ADAM17: variants seen among roughly 807,000 people sequenced by gnomAD.
ADAM17 encodes ADAM metallopeptidase domain 17, also known as disintegrin and metalloproteinase domain-containing protein 17.
A neutral mutation model predicts 96.7 loss-of-function variants in ADAM17; 39 were observed. That is an observed-to-expected ratio of 0.40 (90% CI 0.31 to 0.53). ADAM17 has a LOEUF of 0.53. ADAM17 is among the 20% of genes least tolerant of loss of function. The probability of loss-of-function intolerance (pLI) is 0.44; values close to 1 mark genes in which losing one functional copy is unlikely to be tolerated. For synonymous variants in ADAM17, 344 were observed against 359.2 expected (o/e 0.96, Z 0.48); for missense variants, 777 against 1,013.2 (o/e 0.77, Z 3.17).
chr2:9,535,972 A>C (rs777445621), intron 3 of ADAM17, 50 bp from the exon 4 acceptor site: 4 of 1,267,528 alleles, frequency 3.2e-6, no homozygotes, highest in Middle Eastern at 2.8e-4. Context: ...ATCAAATAAG[A>C]AACTATGCAT....
chr2:9,555,448 T>C, intron 1 of ADAM17, 61 bp downstream of exon 1: 3 of 1,427,142 alleles, frequency 2.1e-6, no homozygotes, highest in Non-Finnish European at 2.8e-6. Context: ...CCAGCTCCCC[T>C]GCTCTTCCCT....
chr2:9,541,402 A>G (rs963798499), intron 2 of ADAM17, among the ~76,000 whole-genome samples: 6 of 152,094 alleles, frequency 3.9e-5, no homozygotes, highest in Admixed American at 3.9e-4. Context: ...ATCTCTACTA[A>G]AAATACAAAA....
intron 17 of ADAM17, among the ~76,000 whole-genome samples, chr2:9,492,418 A>G (rs2124957886): frequency 6.6e-6 from 1 of 152,348 alleles, no homozygotes; most frequent in South Asian, 2.1e-4. Context: ...TTTGGGGAAG[A>G]TGTAAATACT....
At chr2:9,550,543 T>G (rs567965671) in intron 1 of ADAM17, among the ~76,000 whole-genome samples, 15 of 149,020 alleles carry the variant, frequency 1.0e-4, no homozygotes, top group Admixed American at 4.8e-4. Flanking sequence ...CCTCCCGGGT[T>G]CAAGCAATTC....
intron 2 of ADAM17, among the ~76,000 whole-genome samples, chr2:9,539,732 G>A (rs968194582): frequency 1.3e-5 from 2 of 152,130 alleles, no homozygotes; most frequent in Non-Finnish European, 2.9e-5. Context: ...CTTTAATGAC[G>A]CAATATGATA....
At chr2:9,552,960 A>G (rs1440608205) in intron 1 of ADAM17, among the ~76,000 whole-genome samples, 1 of 152,244 alleles carries the variant, frequency 6.6e-6, no homozygotes, top group African/African-American at 2.4e-5. Flanking sequence ...AACATAAAAA[A>G]TAAATAATAA....
intron 9 of ADAM17, 44 bp from the exon 10 acceptor site, chr2:9,518,033 G>A (rs1664143372): frequency 6.3e-7 from 1 of 1,575,462 alleles, no homozygotes; most frequent in Non-Finnish European, 8.6e-7. Flanking sequence ...ATTAAATACA[G>A]AATTATAATA....
intron 16 of ADAM17, 84 bp downstream of exon 16, chr2:9,493,663 C>A: frequency 8.4e-7 from 1 of 1,184,106 alleles, no homozygotes; most frequent in Admixed American, 1.9e-5. Context: ...AGAATTAAAG[C>A]ACATCACTCT....
At chr2:9,552,186 T>C (rs904950433) in intron 1 of ADAM17, among the ~76,000 whole-genome samples, 2 of 152,208 alleles carry the variant, frequency 1.3e-5, no homozygotes, top group African/African-American at 4.8e-5. Context: ...TCCAGCTGTA[T>C]ACACTTATTA....
rs1404372345 is a variant in ADAM17 at position 9,555,522 on chromosome 2, G to A, written c.84C>T (p.Pro28=). The change falls in exon 1 of 19, where the codon CCC becomes CCT. Residue 28 remains proline, a synonymous_variant. Coordinates refer to ENST00000310823, the MANE Select transcript of ADAM17 (RefSeq NM_003183.6). ...PRPPDDPGFG[P]HQRLEKLDSL... Reference sequence around the variant, plus strand: ...CTGGGTCTTTACCGAGTCTCTGGTGGGGGCCGAAGCCCGGGTCATCCGGAG... The same window carrying A: ...CTGGGTCTTTACCGAGTCTCTGGTGAGGGCCGAAGCCCGGGTCATCCGGAG... The A allele has an allele frequency of 3.1e-6, 5 of 1,598,218 alleles. 1 individual carries two copies. In the South Asian group the frequency reaches 5.7e-5, roughly 18 times the overall value.
At chr2:9,514,131 G>A (rs1010727267) in intron 10 of ADAM17, among the ~76,000 whole-genome samples, 1 of 151,888 alleles carries the variant, frequency 6.6e-6, no homozygotes, top group African/African-American at 2.4e-5. Flanking sequence ...ATGATAGACT[G>A]GATTAAGAAA....
At position 9,527,817 on chromosome 2, in the gene ADAM17, T is replaced by G. The variant is rs1374823089; in HGVS notation, c.588A>C (p.Pro196=). Residue 196 remains proline, a synonymous_variant, in exon 5 of 19, where the codon CCA becomes CCC. Transcript: ENST00000310823. The part of the protein sequence containing the change: ...YLKVDNEELL[P]KGLVDREPPE... ...GTGGTTCTCTGTCTACTAACCCTTT[T>G]GGGAGCAACTCTTCATTATCCACTT... 1.8e-5 allele frequency: 29 copies of G among 1,599,550 alleles called. No homozygotes were observed. Among genetic ancestry groups the G allele is most frequent in the Non-Finnish European group, 2.5e-5 (29 of 1,174,654 alleles).
rs60459080 is a variant in ADAM17, at chr2:9,520,951, T to C, written c.957+252A>G. 0.54 allele frequency among the ~76,000 whole-genome samples: 56,452 copies of C among 104,984 alleles called. 15,918 individuals carry two copies. Among genetic ancestry groups the C allele is most frequent in the Middle Eastern group, 0.75 (155 of 206 alleles). The allele number at this position is 104,984 out of a possible 152,430, so 68.9% of individuals were successfully genotyped here. ...TGCCCTCCAGCCAGGGCAACAAGAG[T>C]GAAACTCTGTCTCAAAAAAAAAAAA... On this transcript the variant is annotated intron_variant, in intron 8 of 18. Transcript: ENST00000310823.
rs149328092 is a variant in ADAM17, at chr2:9,498,511, T to C, written c.1649-1263A>G. On this transcript the variant is annotated intron_variant, in intron 13 of 18. Coordinates refer to ENST00000310823, the MANE Select transcript of ADAM17 (RefSeq NM_003183.6). ...ATATCCACAGCTCTGGACTGGCCTT[T>C]CAGCTGAAGAATGAAGCCAATCAAA... Among the ~76,000 whole-genome samples, 902 of 152,352 alleles carry C rather than the reference T, an allele frequency of 5.9e-3. 8 individuals carry two copies. The highest frequency in any genetic ancestry group is 0.021 in the African/African-American group (855 of 41,580).
chr2:9,524,213 A>T (rs1252555193), intron 6 of ADAM17, among the ~76,000 whole-genome samples: 1 of 152,208 alleles, frequency 6.6e-6, no homozygotes, highest in Non-Finnish European at 1.5e-5. Flanking sequence ...AATCAAAGTT[A>T]TACAGTGGCC....
intron 15 of ADAM17, among the ~76,000 whole-genome samples, chr2:9,494,422 C>G (rs1238066828): frequency 6.6e-6 from 1 of 152,186 alleles, no homozygotes; most frequent in Non-Finnish European, 1.5e-5. Context: ...TTCTCAGTCT[C>G]TGGGCTCAAA....
intron 1 of ADAM17, among the ~76,000 whole-genome samples, chr2:9,552,105 G>A (rs1665607171): frequency 6.6e-6 from 1 of 152,114 alleles, no homozygotes; most frequent in African/African-American, 2.4e-5. Context: ...TTTCACTTCC[G>A]TTACCTCAAT....
At chr2:9,501,844 T>A (rs1183215133) in intron 13 of ADAM17, among the ~76,000 whole-genome samples, 2 of 152,130 alleles carry the variant, frequency 1.3e-5, no homozygotes, top group Non-Finnish European at 2.9e-5. Context: ...TAAGGTAGAA[T>A]ATCATTTTGG....
chr2:9,510,888 A>G (rs1663697371), intron 10 of ADAM17, among the ~76,000 whole-genome samples: 1 of 152,240 alleles, frequency 6.6e-6, no homozygotes, highest in Non-Finnish European at 1.5e-5. Flanking sequence ...ATTTAACAGA[A>G]TAAGTAGGAT....
Sources: gnomAD v4.1 joint callset for allele counts (sites outside exome capture counted in the v4.1 genomes callset) on GRCh38, gnomAD v4.1.1 for gene constraint, MANE v1.5 for transcripts, NCBI Gene and HGNC (gene_info 2026-07-23, HGNC 2026-07-21) for gene names.